Variants in STK35 observed in about 807,000 individuals in gnomAD.
STK35 encodes the protein serine/threonine-protein kinase 35.
A neutral mutation model predicts 37.3 loss-of-function variants in STK35; 17 were observed. That is an observed-to-expected ratio of 0.46 (90% CI 0.31 to 0.68). The LOEUF is 0.68. Ranked by LOEUF, STK35 falls within the 30% of genes least tolerant of loss-of-function variation. The pLI is 0.05. For synonymous variants in STK35, 385 were observed against 319.1 expected (o/e 1.21, Z -2.20); for missense variants, 595 against 746.7 (o/e 0.80, Z 2.37).
intron 2 of STK35, 104 bp downstream of exon 2, chr20:2,103,469 T>G: frequency 8.9e-7 from 1 of 1,124,260 alleles, no homozygotes; most frequent in South Asian, 1.5e-5. Flanking sequence ...TCAGACCTGG[T>G]CCCTGTCACC....
intron 3 of STK35, among the ~76,000 whole-genome samples, chr20:2,140,983 G>A (rs1440914930): frequency 6.6e-6 from 1 of 152,198 alleles, no homozygotes; most frequent in Non-Finnish European, 1.5e-5. Context: ...GAGATTGTCC[G>A]CAGGGAGGGA....
chr20:2,131,734 T>C (rs1236640671), intron 3 of STK35, among the ~76,000 whole-genome samples: 2 of 152,066 alleles, frequency 1.3e-5, no homozygotes, highest in African/African-American at 4.8e-5. Context: ...AACACAAACA[T>C]AAGACAGGGT....
Position 2,103,012 on chromosome 20 carries a change from C to G in STK35, c.539C>G (p.Ala180Gly). Residue 180 changes from alanine (A) to glycine (G), a missense_variant, in exon 2 of 4, where the codon GCC becomes GGC. Coordinates refer to ENST00000381482, the MANE Select transcript of STK35 (RefSeq NM_080836.4). ...ARAMDPVAAE[A>G]PGEAFLARRR... ...GCCATGGATCCGGTGGCGGCCGAGG[C>G]CCCGGGCGAGGCCTTCCTGGCGCGG... The G allele has an allele frequency of 7.0e-7, 1 of 1,429,262 alleles. No homozygotes were observed. The allele number at this position is 1,429,262 out of a possible 1,614,324, so 88.5% of individuals were successfully genotyped here.
At chr20:2,115,918 G>T (rs1359193123) in intron 2 of STK35, among the ~76,000 whole-genome samples, 1 of 151,676 alleles carries the variant, frequency 6.6e-6, no homozygotes, top group Non-Finnish European at 1.5e-5. Context: ...CTGTTTATAT[G>T]AGTTGACCCT....
chr20:2,141,038 T>C (rs1470750296), intron 3 of STK35, among the ~76,000 whole-genome samples: 1 of 152,204 alleles, frequency 6.6e-6, no homozygotes, highest in Non-Finnish European at 1.5e-5. Flanking sequence ...AAGATTATTT[T>C]AGCACATCAC....
chr20:2,132,850 C>T (rs1177537373), intron 3 of STK35, among the ~76,000 whole-genome samples: 1 of 152,222 alleles, frequency 6.6e-6, no homozygotes, highest in Non-Finnish European at 1.5e-5. Flanking sequence ...GATCTACCTT[C>T]TCTGGGCCCC....
At chr20:2,122,191 AG>A (rs1373928835) in intron 3 of STK35, among the ~76,000 whole-genome samples, 1 of 152,108 alleles carries the variant, frequency 6.6e-6, no homozygotes, top group African/African-American at 2.4e-5. Flanking sequence ...AAAATTAGCC[AG>A]GTGTGGTGGC....
intron 3 of STK35, among the ~76,000 whole-genome samples, chr20:2,139,027 TAGAAA>T (rs1986131586): frequency 6.6e-6 from 1 of 152,094 alleles, no homozygotes; most frequent in Non-Finnish European, 1.5e-5. Flanking sequence ...CCCTGTGTCT[TAGAAA>T]AGAAAGCAAA....
chr20:2,120,991 C>T (rs1366684907), intron 3 of STK35, among the ~76,000 whole-genome samples: 1 of 151,964 alleles, frequency 6.6e-6, no homozygotes, highest in East Asian at 1.9e-4. Context: ...TAGAAGGAGT[C>T]GAGGGAGTGA....
chr20:2,121,050 A>G (rs1431759303), intron 3 of STK35, among the ~76,000 whole-genome samples: 1 of 152,218 alleles, frequency 6.6e-6, no homozygotes, highest in Non-Finnish European at 1.5e-5. Flanking sequence ...AGTAATGGCC[A>G]CTGTGAAGGT....
chr20:2,125,531 A>C (rs552985076), intron 3 of STK35, among the ~76,000 whole-genome samples: 1 of 152,350 alleles, frequency 6.6e-6, no homozygotes, highest in African/African-American at 2.4e-5. Context: ...AGCCACTTTT[A>C]ATGAATTTCT....
chr20:2,134,464 T>C (rs1986051932), intron 3 of STK35, among the ~76,000 whole-genome samples: 1 of 152,142 alleles, frequency 6.6e-6, no homozygotes, highest in South Asian at 2.1e-4. Context: ...GTGCCCTGTT[T>C]AGAGCACTCA....
At position 2,115,892 on chromosome 20, in the gene STK35, C is replaced by T. The variant is rs186871176; in HGVS notation, c.893-774C>T. On this transcript the variant is annotated intron_variant, in intron 2 of 3. Transcript: ENST00000381482. ...TCTGACACCTTCAGATCTGGCCACT[C>T]CTGCCCCCCCCTTCACTGTTTATAT... Among the ~76,000 whole-genome samples the T allele has an allele frequency of 3.7e-3, 561 of 152,222 alleles. 3 individuals carry two copies. Among genetic ancestry groups the T allele is most frequent in the African/African-American group, 0.013 (527 of 41,514 alleles).
chr20:2,132,011 G>A (rs966669122), intron 3 of STK35, among the ~76,000 whole-genome samples: 4 of 152,082 alleles, frequency 2.6e-5, no homozygotes, highest in Admixed American at 1.3e-4. Flanking sequence ...CAGGCTCAGC[G>A]TCAGTACTCC....
intron 3 of STK35, among the ~76,000 whole-genome samples, chr20:2,130,143 G>A (rs1031122129): frequency 5.3e-5 from 8 of 152,150 alleles, no homozygotes; most frequent in African/African-American, 1.9e-4. Context: ...AGACGGTTTA[G>A]GGGAGTAGGG....
In STK35 at chr20:2,103,033, C is replaced by A; in HGVS notation, c.560C>A (p.Ala187Glu). Residue 187 changes from alanine (A) to glutamate (E), a missense_variant, in exon 2 of 4, where the codon GCG (alanine) becomes GAG (glutamate). Around this residue, in one of 3 missense-constraint regions of STK35, gnomAD observed 389 missense variants for 320.0 expected, o/e 1.22. Coordinates refer to ENST00000381482, the MANE Select transcript of STK35 (RefSeq NM_080836.4). The part of the protein sequence containing the change: ...AAEAPGEAFL[A>E]RRRPEGGGGS... ...GAGGCCCCGGGCGAGGCCTTCCTGGCGCGGCGACGGCCTGAGGGCGGTGGC... is the reference window on the plus strand; with the variant it reads ...GAGGCCCCGGGCGAGGCCTTCCTGGAGCGGCGACGGCCTGAGGGCGGTGGC... 4.1e-6 allele frequency: 6 copies of A among 1,474,502 alleles called. No homozygotes were observed. The highest frequency in any genetic ancestry group is 2.7e-5 in the South Asian group (2 of 74,666). 91.3% of individuals were successfully genotyped at this position (1,474,502 alleles called of 1,614,324 possible). A position where few individuals can be genotyped will look rare whatever the true frequency, so the allele number is the denominator to read the frequency against.
chr20:2,131,835 C>T (rs1986006188), intron 3 of STK35, among the ~76,000 whole-genome samples: 1 of 152,194 alleles, frequency 6.6e-6, no homozygotes, highest in Non-Finnish European at 1.5e-5. Context: ...CCTCCTGCCT[C>T]AGCCTCCCAA....
chr20:2,142,807 C>T (rs907596614), intron 3 of STK35, among the ~76,000 whole-genome samples: 2 of 152,116 alleles, frequency 1.3e-5, no homozygotes, highest in South Asian at 2.1e-4. Context: ...GCACTGTTGC[C>T]CTAGATGGCC....
chr20:2,126,570 C>T (rs1449106403), intron 3 of STK35, among the ~76,000 whole-genome samples: 1 of 152,136 alleles, frequency 6.6e-6, no homozygotes, highest in East Asian at 1.9e-4. Flanking sequence ...GACCCAGGAC[C>T]TAGGGAGAGT....
Sources: gnomAD v4.1 joint callset for allele counts (sites outside exome capture counted in the v4.1 genomes callset) on GRCh38, gnomAD v4.1.1 for gene constraint, gnomAD v4.1.1 regional missense constraint, MANE v1.5 for transcripts, NCBI Gene and HGNC (gene_info 2026-07-23, HGNC 2026-07-21) for gene names.